CSMD1: variants seen among roughly 807,000 people sequenced by gnomAD.
CSMD1 encodes the protein CUB and sushi domain-containing protein 1.
CSMD1 carries 213 observed loss-of-function variants against 417.5 expected under a neutral mutation model. The ratio of observed to expected loss-of-function variants is 0.51; its 90% CI spans 0.46 to 0.57. CSMD1 has a LOEUF of 0.57. Ranked by LOEUF, CSMD1 falls within the 20% of genes least tolerant of loss-of-function variation. The pLI, the probability that CSMD1 is intolerant of heterozygous loss-of-function variation, is 0.00. For missense variants in CSMD1, 6,923 were observed against 4,529.7 expected (o/e 1.53, Z -15.17); for synonymous variants, 2,862 against 1,736.8 (o/e 1.65, Z -16.11).
intron 11 of CSMD1, among the ~76,000 whole-genome samples, chr8:3,490,959 T>A (rs1818339797): frequency 6.6e-6 from 1 of 152,180 alleles, no homozygotes; most frequent in Non-Finnish European, 1.5e-5. Flanking sequence ...CATGTTCCAC[T>A]GAGGTTTATA....
At chr8:4,630,580 G>C (rs1190375176) in intron 2 of CSMD1, among the ~76,000 whole-genome samples, 1 of 152,156 alleles carries the variant, frequency 6.6e-6, no homozygotes, top group African/African-American at 2.4e-5. Context: ...AGAGCAATTT[G>C]AAAGATACAT....
At chr8:3,263,648 C>G (rs1168220309) in intron 26 of CSMD1, among the ~76,000 whole-genome samples, 6 of 151,656 alleles carry the variant, frequency 4.0e-5, no homozygotes, top group African/African-American at 1.2e-4. Flanking sequence ...ATATAGTTAC[C>G]CAAATTAGAA....
intron 3 of CSMD1, among the ~76,000 whole-genome samples, chr8:4,091,503 A>T (rs543398059): frequency 4.6e-5 from 7 of 152,358 alleles, no homozygotes; most frequent in African/African-American, 1.7e-4. Flanking sequence ...TATATGCTGC[A>T]TTGCTGGAAG....
intron 4 of CSMD1, among the ~76,000 whole-genome samples, chr8:4,021,332 T>C (rs545758287): frequency 6.6e-6 from 1 of 152,374 alleles, no homozygotes; most frequent in Non-Finnish European, 1.5e-5. Context: ...TAAAGTTTAT[T>C]TCACTTGTTT....
chr8:4,024,986 G>C (rs973060883), intron 4 of CSMD1, among the ~76,000 whole-genome samples: 2 of 152,204 alleles, frequency 1.3e-5, no homozygotes, highest in African/African-American at 2.4e-5. Context: ...GCTAGGCCTG[G>C]GTGGGTTTAA....
chr8:4,778,550 A>G (rs1047306163), intron 1 of CSMD1, among the ~76,000 whole-genome samples: 5 of 152,170 alleles, frequency 3.3e-5, no homozygotes, highest in Non-Finnish European at 7.3e-5. Flanking sequence ...TTATAGATCA[A>G]TACTTCCCGC....
intron 1 of CSMD1, among the ~76,000 whole-genome samples, chr8:4,798,341 T>C (rs1461937895): frequency 6.6e-6 from 1 of 152,240 alleles, no homozygotes; most frequent in African/African-American, 2.4e-5. Context: ...GGACATGAAC[T>C]CATCCTTTTT....
chr8:4,826,203 T>C (rs1160513262), intron 1 of CSMD1, among the ~76,000 whole-genome samples: 1 of 152,076 alleles, frequency 6.6e-6, no homozygotes, highest in Non-Finnish European at 1.5e-5. Flanking sequence ...ATTGTTGCCT[T>C]ATTCACAATT....
intron 5 of CSMD1, among the ~76,000 whole-genome samples, chr8:3,784,412 G>C (rs181089092): frequency 1.3e-5 from 2 of 152,140 alleles, no homozygotes; most frequent in Admixed American, 6.5e-5. Flanking sequence ...ACTGCTGTTA[G>C]TATTATGCTG....
chr8:3,565,948 C>G (rs1271466158), intron 10 of CSMD1, among the ~76,000 whole-genome samples: 1 of 152,160 alleles, frequency 6.6e-6, no homozygotes, highest in Non-Finnish European at 1.5e-5. Context: ...ACCAATCTTC[C>G]CAACGTATAC....
chr8:4,645,391 G>A (rs1249762174), intron 1 of CSMD1, among the ~76,000 whole-genome samples: 1 of 125,678 alleles, frequency 8.0e-6, no homozygotes, highest in African/African-American at 3.0e-5. Context: ...GTCATTCAGT[G>A]TGTACCCACT....
intron 50 of CSMD1, among the ~76,000 whole-genome samples, chr8:3,035,790 T>C (rs1810637549): frequency 6.6e-6 from 1 of 152,242 alleles, no homozygotes; most frequent in Non-Finnish European, 1.5e-5. Context: ...AGGGTTTAGC[T>C]GGCATGACAG....
chr8:4,506,400 A>C (rs1208022470), intron 2 of CSMD1, among the ~76,000 whole-genome samples: 1 of 152,064 alleles, frequency 6.6e-6, no homozygotes, highest in Non-Finnish European at 1.5e-5. Flanking sequence ...GGGGAGAGAG[A>C]GAAAGTGATG....
intron 1 of CSMD1, among the ~76,000 whole-genome samples, chr8:4,680,453 T>A (rs1409085406): frequency 2.0e-5 from 3 of 152,194 alleles, no homozygotes; most frequent in African/African-American, 4.8e-5. Flanking sequence ...CATGTTCTCA[T>A]CATCGTACCT....
intron 3 of CSMD1, among the ~76,000 whole-genome samples, chr8:4,124,545 A>G (rs1406654234): frequency 6.6e-6 from 1 of 152,132 alleles, no homozygotes; most frequent in Non-Finnish European, 1.5e-5. Flanking sequence ...GAACTTACAG[A>G]AGCTTTGTGG....
At chr8:3,536,475 C>G (rs1003929473) in intron 10 of CSMD1, among the ~76,000 whole-genome samples, 2 of 152,192 alleles carry the variant, frequency 1.3e-5, no homozygotes, top group Non-Finnish European at 2.9e-5. Context: ...CAGGTTTCCT[C>G]TTTGATTAAT....
intron 5 of CSMD1, among the ~76,000 whole-genome samples, chr8:3,995,433 C>G (rs767759341): frequency 2.6e-5 from 4 of 152,186 alleles, no homozygotes; most frequent in Non-Finnish European, 5.9e-5. Flanking sequence ...CATCTTTACC[C>G]CGACAGTTAC....
chr8:3,155,359 A>ATTTTTTTTTTT (rs556304192), intron 39 of CSMD1, among the ~76,000 whole-genome samples: 1,042 of 43,260 alleles, frequency 0.024, 321 homozygotes, highest in Admixed American at 0.061. Flanking sequence ...CAAGGCTGGG[A>ATTTTTTTTTTT]TTTTTTTTTT....
intron 3 of CSMD1, among the ~76,000 whole-genome samples, chr8:4,202,710 A>T (rs376324814): frequency 2.0e-5 from 3 of 152,214 alleles, no homozygotes; most frequent in Non-Finnish European, 4.4e-5. Flanking sequence ...CACTAATCAA[A>T]CAAGTACTCA....
Sources: gnomAD v4.1 joint callset for allele counts (sites outside exome capture counted in the v4.1 genomes callset) on GRCh38, gnomAD v4.1.1 for gene constraint, MANE v1.5 for transcripts, NCBI Gene and HGNC (gene_info 2026-07-23, HGNC 2026-07-21) for gene names.